MOB3A: variants seen among roughly 807,000 people sequenced by gnomAD.
MOB3A encodes MOB kinase activator 3A, also known as MOB LAK.
A neutral mutation model predicts 17.8 loss-of-function variants in MOB3A; 17 were observed. That is an observed-to-expected ratio of 0.95 (90% confidence interval 0.65 to 1.43). MOB3A has a LOEUF of 1.43. Ranked by LOEUF, MOB3A falls within the 40% of genes most tolerant of loss-of-function variation. MOB3A has a pLI of 0.00. For missense variants in MOB3A, 333 were observed against 310.8 expected (o/e 1.07, Z -0.54); for synonymous variants, 124 against 133.2 (o/e 0.93, Z 0.48).
intron 2 of MOB3A, among the ~76,000 whole-genome samples, chr19:2,080,247 A>G (rs552872357): frequency 7.9e-4 from 120 of 152,260 alleles, no homozygotes; most frequent in African/African-American, 2.7e-3. Context: ...CAGCATGAAG[A>G]GGACCCAGCA....
In MOB3A at chr19:2,078,281, C is replaced by A. The variant is rs1176676602; in HGVS notation, c.280G>T (p.Gly94Cys). 2 of 1,614,126 alleles carry A rather than the reference C, an allele frequency of 1.2e-6. No individual in the cohort carries two copies. Among genetic ancestry groups the A allele is most frequent in the Non-Finnish European group, 1.7e-6 (2 of 1,180,012 alleles). Reference protein sequence around the residue: ...TEQSCPVMSGGPKYEYRWQDE... With the variant: ...TEQSCPVMSGCPKYEYRWQDE... ...TGCCAGCGGTACTCATACTTGGGGC[C>A]CCCCGACATGACGGGGCAGGACTGC... Residue 94 changes from glycine (G) to cysteine (C), a missense_variant, in exon 3 of 5, where the codon GGC (glycine) becomes TGC (cysteine). Gly to Cys is a radical substitution (Grantham distance 159). Transcript: ENST00000357066.
intron 2 of MOB3A, among the ~76,000 whole-genome samples, chr19:2,080,816 T>G (rs1217017712): frequency 6.6e-6 from 1 of 152,118 alleles, no homozygotes; most frequent in Non-Finnish European, 1.5e-5. Context: ...GGGGAAGCTC[T>G]CAGCTGTTGG....
intron 4 of MOB3A, among the ~76,000 whole-genome samples, chr19:2,074,985 G>A (rs2145717399): frequency 6.6e-6 from 1 of 151,642 alleles, no homozygotes; most frequent in East Asian, 1.9e-4. Flanking sequence ...CCAAAGTGCT[G>A]GGATTACAGG....
intron 1 of MOB3A, among the ~76,000 whole-genome samples, chr19:2,094,441 G>A (rs986367605): frequency 1.3e-5 from 2 of 152,202 alleles, no homozygotes; most frequent in African/African-American, 4.8e-5. Flanking sequence ...GGCCTGGAAA[G>A]GAAGTGAATC....
In MOB3A at chr19:2,093,861, G is replaced by T. The variant is rs190439374; in HGVS notation, c.-274+2365C>A. 6.6e-6 allele frequency among the ~76,000 whole-genome samples: 1 copy of T among 152,176 alleles called. No individual in the cohort carries two copies. Among genetic ancestry groups the T allele is most frequent in the African/African-American group, 2.4e-5 (1 of 41,438 alleles). ...GGTCCGGAGGACAGGGACGTGACAT[G>T]CTGGGATTTCACTTTCTTAGTTCTC... On this transcript the variant is annotated intron_variant, in intron 1 of 4. Coordinates refer to ENST00000357066, the MANE Select transcript of MOB3A (RefSeq NM_130807.3). The surrounding 1 kb of genome is among the most constrained non-coding windows in gnomAD (Gnocchi z 4.6).
rs1238803948 is a variant in MOB3A, at chr19:2,082,635, A to T, written c.-120+2540T>A. On this transcript the variant is annotated intron_variant, in intron 2 of 4. Coordinates refer to ENST00000357066, the MANE Select transcript of MOB3A (RefSeq NM_130807.3). This position sits in a 1 kb window ranked among gnomAD's most constrained non-coding sequence, Gnocchi z 4.1. Reference sequence around the variant, plus strand: ...TTCAGCAACTCTCAGGGATGCAGGCAGCCGTCTGATCACAAGCCTAGTGAC... The same window carrying T: ...TTCAGCAACTCTCAGGGATGCAGGCTGCCGTCTGATCACAAGCCTAGTGAC... 6.6e-6 allele frequency among the ~76,000 whole-genome samples: 1 copy of T among 152,178 alleles called. No homozygotes were observed. Among genetic ancestry groups the T allele is most frequent in the Non-Finnish European group, 1.5e-5 (1 of 68,022 alleles).
rs72981474 is a variant in MOB3A at position 2,071,731 on chromosome 19, G to C, written c.*1664C>G. 6.6e-6 allele frequency: 1 copy of C among 152,548 alleles called. No homozygotes were observed. Among genetic ancestry groups the C allele is most frequent in the African/African-American group, 2.4e-5 (1 of 41,454 alleles). 9.4% of individuals were successfully genotyped at this position (152,548 alleles called of 1,614,324 possible). A position where few individuals can be genotyped will look rare whatever the true frequency, so the allele number is the denominator to read the frequency against. On this transcript the variant is annotated 3_prime_UTR_variant, in exon 5 of 5. Transcript: ENST00000357066. ...CCACACAGAAAAAGGGGTTCAACTG[G>C]AAGTTTGCAGCATCTGGGAAAGGCC...
At chr19:2,096,158 A>C (rs2144948235) in intron 1 of MOB3A, 68 bp downstream of exon 1, 1 of 152,902 alleles carries the variant, frequency 6.5e-6, no homozygotes, top group Non-Finnish European at 1.5e-5. Context: ...TCGCCGCCTA[A>C]GTTCACCCCT....
chr19:2,077,810 G>A (rs1316234665), intron 3 of MOB3A, among the ~76,000 whole-genome samples: 3 of 151,492 alleles, frequency 2.0e-5, no homozygotes, highest in African/African-American at 4.9e-5. Context: ...TTGAGACAGG[G>A]TCTTGCTCTG....
rs143878258 is a variant in MOB3A at position 2,073,846 on chromosome 19, C to G, written c.625-422G>C. The stretch of plus-strand genomic sequence containing the variant: ...AGGAGTTCAAGACCAGCCTGGATAA[C>G]ACGGTGAAATCCTGTCTCTACTAAA... On this transcript the variant is annotated intron_variant, in intron 4 of 4. Coordinates refer to ENST00000357066, the MANE Select transcript of MOB3A (RefSeq NM_130807.3). Among the ~76,000 whole-genome samples the G allele has an allele frequency of 7.3e-3, 1,117 of 152,222 alleles. 17 individuals are homozygous for G. The highest frequency in any genetic ancestry group is 0.025 in the African/African-American group (1,047 of 41,534).
intron 1 of MOB3A, among the ~76,000 whole-genome samples, chr19:2,095,576 G>A (rs1436637685): frequency 6.6e-6 from 1 of 152,166 alleles, no homozygotes; most frequent in African/African-American, 2.4e-5. Flanking sequence ...AGGGCCAGGA[G>A]TTCACCCCCG....
intron 2 of MOB3A, among the ~76,000 whole-genome samples, chr19:2,084,489 C>A (rs537177862): frequency 6.6e-6 from 1 of 151,716 alleles, no homozygotes; most frequent in African/African-American, 2.4e-5. Flanking sequence ...AGTGAGACTC[C>A]GTCACAAAAA....
intron 4 of MOB3A, among the ~76,000 whole-genome samples, chr19:2,074,854 A>C (rs1414539686): frequency 6.6e-6 from 1 of 151,978 alleles, no homozygotes; most frequent in Non-Finnish European, 1.5e-5. Context: ...AGTAGCTGGA[A>C]TTACAGGCGC....
At chr19:2,078,760 A>ATTTTG in intron 2 of MOB3A, 81 bp from the exon 3 acceptor site, 1 of 562,062 alleles carries the variant, frequency 1.8e-6, no homozygotes, top group Non-Finnish European at 3.1e-6. Context: ...AAGCGGCAGG[A>ATTTTG]TTTTGTTTTG....
rs1161903786 is a variant in MOB3A at position 2,071,395 on chromosome 19, G to GT, written c.*1999dup. 10 of 152,268 alleles carry GT rather than the reference G, an allele frequency of 6.6e-5. No homozygotes were observed. Among genetic ancestry groups the GT allele is most frequent in the African/African-American group, 2.4e-4 (10 of 41,470 alleles). The allele number at this position is 152,268 out of a possible 1,614,324, so 9.4% of individuals were successfully genotyped here. On this transcript the variant is annotated 3_prime_UTR_variant, in exon 5 of 5. Transcript: ENST00000357066. ...GTCCTGGGAGTTTCAGGCTTCGGCA[G>GT]TAACAGTGTGTTAATTGCACTTGTT...
At chr19:2,095,675 G>A (rs1448826568) in intron 1 of MOB3A, among the ~76,000 whole-genome samples, 1 of 151,430 alleles carries the variant, frequency 6.6e-6, no homozygotes, top group Non-Finnish European at 1.5e-5. Context: ...CGGCCTCCTC[G>A]CCGCCTAAGT....
At chr19:2,081,539 G>T (rs1292135515) in intron 2 of MOB3A, among the ~76,000 whole-genome samples, 1 of 150,802 alleles carries the variant, frequency 6.6e-6, no homozygotes, top group East Asian at 1.9e-4. Flanking sequence ...AGTGAGCCGA[G>T]ATCACACCAT....
intron 4 of MOB3A, 55 bp downstream of exon 4, chr19:2,076,756 C>A: frequency 2.5e-6 from 4 of 1,574,506 alleles, no homozygotes; most frequent in Non-Finnish European, 3.5e-6. Context: ...GGTTCCTCTG[C>A]CACGGGCCAC....
chr19:2,075,119 C>T (rs2017388274), intron 4 of MOB3A, among the ~76,000 whole-genome samples: 2 of 151,898 alleles, frequency 1.3e-5, no homozygotes, highest in Admixed American at 1.3e-4. Context: ...GCCTCAACCT[C>T]CCAGGCACAA....
Sources: allele counts gnomAD v4.1 joint callset (sites outside exome capture counted in the v4.1 genomes callset), GRCh38; gene constraint gnomAD v4.1.1; non-coding constraint Gnocchi (gnomAD v3.1); transcripts MANE v1.5; gene names NCBI Gene and HGNC (gene_info 2026-07-23, HGNC 2026-07-21).